The following DPH6 variants were observed in gnomAD, a reference collection of about 807,000 sequenced individuals.
The protein encoded by DPH6 is diphthine--ammonia ligase.
DPH6 carries 33 observed loss-of-function variants against 38.2 expected under a neutral mutation model. That is an observed-to-expected ratio of 0.86 (90% CI 0.65 to 1.15). DPH6 has a LOEUF of 1.15. Among genes scored for constraint, DPH6 ranks in the 50% most tolerant of loss-of-function variants. The probability of loss-of-function intolerance (pLI) is 0.00; values close to 1 mark genes in which losing one functional copy is unlikely to be tolerated. For synonymous variants in DPH6, 108 were observed against 103.0 expected (o/e 1.05, Z -0.30); for missense variants, 325 against 320.0 (o/e 1.02, Z -0.12).
chr15:35,256,623 C>T (rs1170203652), intron 3 of DPH6, among the ~76,000 whole-genome samples: 1 of 152,126 alleles, frequency 6.6e-6, no homozygotes, highest in African/African-American at 2.4e-5. Context: ...TACTTCATTG[C>T]TAATTAGTAG....
intron 3 of DPH6, among the ~76,000 whole-genome samples, chr15:35,513,289 T>C (rs936101308): frequency 3.3e-5 from 5 of 151,904 alleles, no homozygotes; most frequent in African/African-American, 1.2e-4. Context: ...TCAAAGAAAA[T>C]TAACAAAGAA....
chr15:35,540,302 C>A (rs923660909), intron 2 of DPH6, among the ~76,000 whole-genome samples: 6 of 152,086 alleles, frequency 3.9e-5, no homozygotes, highest in African/African-American at 1.4e-4. Context: ...TACTACAAAT[C>A]TAAAGAGATG....
intron 3 of DPH6, among the ~76,000 whole-genome samples, chr15:35,301,342 G>A (rs1268893801): frequency 1.3e-5 from 2 of 152,192 alleles, no homozygotes; most frequent in Admixed American, 6.5e-5. Context: ...ATAACATGAT[G>A]CCTTAAGAAT....
the DPH6 span, among the ~76,000 whole-genome samples, chr15:35,168,240 C>T: frequency 6.6e-6 from 1 of 152,000 alleles, no homozygotes; most frequent in Non-Finnish European, 1.5e-5. Context: ...AAACCTTTGA[C>T]TTCCAGTGTT....
chr15:35,179,936 C>T, the DPH6 span, among the ~76,000 whole-genome samples: 3 of 152,250 alleles, frequency 2.0e-5, no homozygotes, highest in South Asian at 2.1e-4. Context: ...CTTCTGAAAA[C>T]GTCAGCAAAA....
At chr15:35,496,591 T>TATATATATATATATATATATATATATA (rs1595417564) in intron 3 of DPH6, among the ~76,000 whole-genome samples, 2 of 119,864 alleles carry the variant, frequency 1.7e-5, no homozygotes, top group Non-Finnish European at 1.7e-5. Context: ...TATATATATA[T>TATATATATATATATATATATATATATA]CCTCTACCAA....
At chr15:35,375,128 T>C (rs1253984245) in intron 7 of DPH6, among the ~76,000 whole-genome samples, 1 of 152,040 alleles carries the variant, frequency 6.6e-6, no homozygotes, top group Non-Finnish European at 1.5e-5. Flanking sequence ...ATAATTAACC[T>C]GAACTAATAC....
intron 3 of DPH6, chr15:35,522,370 G>C (rs1382037298): frequency 1.1e-5 from 14 of 1,286,734 alleles, no homozygotes; most frequent in Non-Finnish European, 1.5e-5. Context: ...TTCACCACCA[G>C]TCAGGCTGTC....
At chr15:35,487,091 C>T (rs2054412826) in intron 3 of DPH6, among the ~76,000 whole-genome samples, 1 of 152,202 alleles carries the variant, frequency 6.6e-6, no homozygotes, top group Admixed American at 6.5e-5. Context: ...CCTTGGGCAG[C>T]TCTACCCCTG....
At chr15:35,301,164 TTAC>T (rs1450036386) in intron 3 of DPH6, among the ~76,000 whole-genome samples, 1 of 152,214 alleles carries the variant, frequency 6.6e-6, no homozygotes, top group Non-Finnish European at 1.5e-5. Flanking sequence ...ACCGTATGTA[TTAC>T]TCAAACATTT....
intron 4 of DPH6, among the ~76,000 whole-genome samples, chr15:35,453,546 T>C (rs1355529454): frequency 6.6e-6 from 1 of 152,164 alleles, no homozygotes; most frequent in Non-Finnish European, 1.5e-5. Flanking sequence ...TGCAGATCAG[T>C]TGTTCTCAAC....
At chr15:35,191,203 AT>A in the DPH6 span, among the ~76,000 whole-genome samples, 3 of 152,316 alleles carry the variant, frequency 2.0e-5, no homozygotes, top group South Asian at 6.2e-4. Flanking sequence ...TGTCAAAGGC[AT>A]TTTACATCAA....
chr15:35,235,426 A>C (rs2051544295), intron 3 of DPH6, among the ~76,000 whole-genome samples: 1 of 152,196 alleles, frequency 6.6e-6, no homozygotes, highest in Non-Finnish European at 1.5e-5. Flanking sequence ...CAGTCTCCTC[A>C]ATGTGTGTGC....
chr15:35,159,706 T>C, the DPH6 span, among the ~76,000 whole-genome samples: 3 of 152,058 alleles, frequency 2.0e-5, no homozygotes, highest in Admixed American at 1.3e-4. Context: ...CATTACTGCA[T>C]ATATATCCAA....
chr15:35,403,597 A>G (rs1020154542), intron 6 of DPH6, among the ~76,000 whole-genome samples: 5 of 151,870 alleles, frequency 3.3e-5, no homozygotes, highest in Admixed American at 6.6e-5. Flanking sequence ...GGCAGCCTCG[A>G]CTTCCTGGAC....
chr15:35,400,197 CAA>C (rs985706221), intron 6 of DPH6, among the ~76,000 whole-genome samples: 7 of 152,080 alleles, frequency 4.6e-5, no homozygotes, highest in African/African-American at 1.7e-4. Context: ...ATAAATGAAA[CAA>C]GACAATTATT....
At chr15:35,400,873 T>C in intron 6 of DPH6, 1 of 885,136 alleles carries the variant, frequency 1.1e-6, no homozygotes. Flanking sequence ...GTTTGTCTCA[T>C]ATGCCACTGT....
intron 3 of DPH6, among the ~76,000 whole-genome samples, chr15:35,335,726 C>T (rs1040513217): frequency 7.2e-5 from 11 of 152,108 alleles, no homozygotes; most frequent in Admixed American, 3.3e-4. Context: ...GTTCTCTGTT[C>T]GATTCCATTG....
chr15:35,269,498 C>T (rs374211772), intron 3 of DPH6, among the ~76,000 whole-genome samples: 3 of 151,888 alleles, frequency 2.0e-5, no homozygotes, highest in Admixed American at 6.6e-5. Flanking sequence ...TTTTTTGAGA[C>T]GGAGTCACCC....
Sources: gnomAD v4.1 joint callset for allele counts (sites outside exome capture counted in the v4.1 genomes callset) on GRCh38, gnomAD v4.1.1 for gene constraint, MANE v1.5 for transcripts, NCBI Gene and HGNC (gene_info 2026-07-23, HGNC 2026-07-21) for gene names.